The following SATB2 variants were observed in gnomAD, a reference collection of about 807,000 sequenced individuals.
SATB2 encodes the protein SATB homeobox 2.
A neutral mutation model predicts 73.4 loss-of-function variants in SATB2; 1 was observed. The ratio of observed to expected loss-of-function variants is 0.01; its 90% CI spans 0.00 to 0.06. The LOEUF is 0.06. Among genes scored for constraint, SATB2 ranks in the 10% least tolerant of loss-of-function variants. The probability of loss-of-function intolerance (pLI) is 1.00; values close to 1 mark genes in which losing one functional copy is unlikely to be tolerated. For missense variants in SATB2, 459 were observed against 945.8 expected (o/e 0.49, Z 6.75); for synonymous variants, 397 against 367.0 (o/e 1.08, Z -0.93).
At chr2:199,299,808 A>T (rs1687228167) in intron 10 of SATB2, among the ~76,000 whole-genome samples, 1 of 152,064 alleles carries the variant, frequency 6.6e-6, no homozygotes, top group Admixed American at 6.6e-5. Flanking sequence ...AAATTTAATC[A>T]TTTTTTTCCA....
chr2:199,295,879 A>G (rs565917497), intron 10 of SATB2, among the ~76,000 whole-genome samples: 1 of 152,332 alleles, frequency 6.6e-6, no homozygotes, highest in African/African-American at 2.4e-5. Context: ...TCCCATTTCT[A>G]GGGTCAAACC....
intron 9 of SATB2, among the ~76,000 whole-genome samples, chr2:199,311,625 A>G (rs1419848803): frequency 6.6e-6 from 1 of 152,088 alleles, no homozygotes; most frequent in Non-Finnish European, 1.5e-5. Context: ...GATGCCATAT[A>G]TAGGTATTTA....
rs573388452 is a variant in SATB2 at position 199,289,677 on chromosome 2, C to CG, written c.1741-17006_1741-17005insC. 2.2e-3 allele frequency among the ~76,000 whole-genome samples: 340 copies of CG among 152,268 alleles called. 3 individuals carry two copies. Among genetic ancestry groups the CG allele is most frequent in the African/African-American group, 7.8e-3 (325 of 41,538 alleles). On this transcript the variant is annotated intron_variant, in intron 10 of 10. Transcript: ENST00000417098. Reference sequence around the variant, plus strand: ...GAGAACTCAGTACAAAACAAACATACTTACAAATGACATTAGCAGGGAATT... The same window carrying CG: ...GAGAACTCAGTACAAAACAAACATACGTTACAAATGACATTAGCAGGGAATT...
chr2:199,327,179 C>T (rs1688052472), intron 8 of SATB2, among the ~76,000 whole-genome samples: 1 of 152,184 alleles, frequency 6.6e-6, no homozygotes, highest in Non-Finnish European at 1.5e-5. Flanking sequence ...GTGGCTCATG[C>T]CTGTAATCCC....
intron 10 of SATB2, among the ~76,000 whole-genome samples, chr2:199,298,681 T>A (rs74636531): frequency 0.028 from 4,302 of 152,234 alleles, 113 homozygotes; most frequent in Middle Eastern, 0.054. Context: ...CAACTGTTAA[T>A]TACCTCCTAG....
At chr2:199,309,080 G>A (rs1404574160) in intron 9 of SATB2, 123 bp from the exon 10 acceptor site, 11 of 839,556 alleles carry the variant, frequency 1.3e-5, no homozygotes, top group South Asian at 1.0e-4. Flanking sequence ...TGCCAACGTG[G>A]GGAGATAGTG....
rs947978820 is a variant in SATB2 at position 199,464,425 on chromosome 2, G to A, written c.-141+411C>T. ...TACACCCCCACCACCATTTCCACGC[G>A]CGCGCGCGCACACACACACACACAC... On this transcript the variant is annotated intron_variant, in intron 1 of 11. Coordinates refer to the SATB2 transcript ENST00000260926. This position sits in a 1 kb window ranked among gnomAD's most constrained non-coding sequence, Gnocchi z 6.6. Among the ~76,000 whole-genome samples the A allele has an allele frequency of 6.8e-6, 1 of 146,910 alleles. No homozygotes were observed. Among genetic ancestry groups the A allele is most frequent in the Non-Finnish European group, 1.5e-5 (1 of 67,700 alleles).
intron 2 of SATB2, among the ~76,000 whole-genome samples, chr2:199,451,361 T>C (rs1410201230): frequency 6.6e-6 from 1 of 151,804 alleles, no homozygotes; most frequent in African/African-American, 2.4e-5. Flanking sequence ...GAGTTATTTT[T>C]CTACCTCAGC....
At chr2:199,305,577 C>G (rs533860053) in intron 10 of SATB2, among the ~76,000 whole-genome samples, 4 of 152,182 alleles carry the variant, frequency 2.6e-5, no homozygotes, top group Admixed American at 2.0e-4. Context: ...AAAAAACTAT[C>G]CATTTGTCAA....
At chr2:199,386,772 G>A (rs1249531919) in intron 3 of SATB2, among the ~76,000 whole-genome samples, 3 of 146,118 alleles carry the variant, frequency 2.1e-5, no homozygotes, top group African/African-American at 7.7e-5. Flanking sequence ...ACACACCTTT[G>A]AGTTCAGCCA....
At chr2:199,351,781 C>T (rs1688826640) in intron 6 of SATB2, among the ~76,000 whole-genome samples, 1 of 152,040 alleles carries the variant, frequency 6.6e-6, no homozygotes, top group South Asian at 2.1e-4. Flanking sequence ...TGTTTATTTG[C>T]TTTTAATTCA....
chr2:199,468,083 T>C (rs1021468530), upstream of SATB2: 1 of 152,026 alleles, frequency 6.6e-6, no homozygotes, highest in Non-Finnish European at 1.5e-5. Flanking sequence ...TTTTTTTTTT[T>C]TAAGAATCCA....
chr2:199,458,610 G>C (rs1692371954), upstream of SATB2: 1 of 434,926 alleles, frequency 2.3e-6, no homozygotes, highest in Non-Finnish European at 4.6e-6. Context: ...AGGCGGCGGC[G>C]ACAAGGCAGT....
intron 2 of SATB2, among the ~76,000 whole-genome samples, chr2:199,443,365 G>A (rs1010909767): frequency 2.6e-4 from 39 of 152,106 alleles, no homozygotes; most frequent in African/African-American, 8.4e-4. Context: ...AATAAGACAA[G>A]ACTACCCAGA....
At chr2:199,325,424 T>C (rs1688002829) in intron 8 of SATB2, 1 of 152,172 alleles carries the variant, frequency 6.6e-6, no homozygotes, top group Non-Finnish European at 1.5e-5. Context: ...CTCAGGACAC[T>C]GCACTACACA....
At chr2:199,346,338 C>T (rs1213265595) in intron 7 of SATB2, among the ~76,000 whole-genome samples, 12 of 151,906 alleles carry the variant, frequency 7.9e-5, no homozygotes, top group Admixed American at 4.6e-4. Context: ...TTAGTGGAGA[C>T]GAGGTTTCAC....
At chr2:199,335,689 G>A (rs148412938) in intron 7 of SATB2, among the ~76,000 whole-genome samples, 8 of 152,234 alleles carry the variant, frequency 5.3e-5, no homozygotes, top group Non-Finnish European at 1.0e-4. Flanking sequence ...GCAGGCTCTG[G>A]AGACTACATA....
At position 199,308,052 on chromosome 2, in the gene SATB2, T is replaced by C. The variant is rs1426340298; in HGVS notation, c.1740+708A>G. Among the ~76,000 whole-genome samples, 1 of 152,202 alleles carries C rather than the reference T, an allele frequency of 6.6e-6. No individual in the cohort carries two copies. Among genetic ancestry groups the C allele is most frequent in the Non-Finnish European group, 1.5e-5 (1 of 68,034 alleles). ...GGCCAAACTCTAGGGGGTCTAACGT[T>C]GGAAACCTCAACTAATATTTCTTCT... is the stretch of plus-strand genomic sequence containing the variant. On this transcript the variant is annotated intron_variant, in intron 10 of 10. Transcript: ENST00000417098. This position sits in a 1 kb window ranked among gnomAD's most constrained non-coding sequence, Gnocchi z 4.6.
intron 3 of SATB2, among the ~76,000 whole-genome samples, chr2:199,398,163 CAT>C (rs370372509): frequency 1.8e-4 from 27 of 151,836 alleles, no homozygotes; most frequent in Non-Finnish European, 3.2e-4. Context: ...AAAACAGACA[CAT>C]GTTTTCCAGA....
Sources: allele counts gnomAD v4.1 joint callset (sites outside exome capture counted in the v4.1 genomes callset), GRCh38; gene constraint gnomAD v4.1.1; non-coding constraint Gnocchi (gnomAD v3.1); transcripts MANE v1.5; gene names NCBI Gene and HGNC (gene_info 2026-07-23, HGNC 2026-07-21).